The following HRH2 variants were observed in gnomAD, a reference collection of about 807,000 sequenced individuals.
HRH2 encodes the protein histamine receptor H2, also known as histamine H2 receptor.
A neutral mutation model predicts 20.1 loss-of-function variants in HRH2; 4 were observed. That is an observed-to-expected ratio of 0.20 (90% CI 0.10 to 0.45). The LOEUF (loss-of-function observed/expected upper bound fraction) is 0.45. Ranked by LOEUF, HRH2 falls within the 20% of genes least tolerant of loss-of-function variation. HRH2 has a pLI of 0.99. For synonymous variants in HRH2, 197 were observed against 200.7 expected (o/e 0.98, Z 0.16); for missense variants, 250 against 461.6 (o/e 0.54, Z 4.20).
intron 1 of HRH2, among the ~76,000 whole-genome samples, chr5:175,668,243 G>A (rs190057885): frequency 3.9e-5 from 6 of 152,304 alleles, no homozygotes; most frequent in African/African-American, 9.6e-5. Context: ...ACACATGTGC[G>A]CTATTTATGC....
intron 2 of HRH2, among the ~76,000 whole-genome samples, chr5:175,698,644 C>T (rs1259328197): frequency 6.6e-6 from 1 of 152,180 alleles, no homozygotes; most frequent in Non-Finnish European, 1.5e-5. Flanking sequence ...CTCGCAGCCT[C>T]CCGGTCAGGT....
intron 2 of HRH2, among the ~76,000 whole-genome samples, chr5:175,702,544 T>TC (rs1447544787): frequency 6.7e-5 from 9 of 134,790 alleles, no homozygotes; most frequent in African/African-American, 2.3e-4. Flanking sequence ...AAGTATACCA[T>TC]CTTTTTTTTT....
intron 2 of HRH2, among the ~76,000 whole-genome samples, chr5:175,702,556 T>G (rs925452210): frequency 5.1e-5 from 7 of 137,478 alleles, no homozygotes; most frequent in African/African-American, 1.9e-4. Flanking sequence ...TTTTTTTTTT[T>G]TTTTTTTTTT....
chr5:175,691,269 AG>A (rs1287996770), intron 2 of HRH2: 1 of 152,468 alleles, frequency 6.6e-6, no homozygotes, highest in Non-Finnish European at 1.5e-5. Context: ...AGAGGAAGTC[AG>A]GGGAAGGAGA....
At position 175,708,308 on chromosome 5, in the gene HRH2, G is replaced by A. The variant is rs1470334205; in HGVS notation, c.*337G>A. ...CATGTGTGTGCATGGGTGCATACGT[G>A]TAGGGACGTGCATGACCTCTGAGCA... On this transcript the variant is annotated 3_prime_UTR_variant, in exon 3 of 3. Transcript: ENST00000636584. 2 of 216,064 alleles carry A rather than the reference G, an allele frequency of 9.3e-6. No individual in the cohort carries two copies. Among genetic ancestry groups the A allele is most frequent in the Non-Finnish European group, 1.8e-5 (2 of 110,528 alleles). 13.4% of individuals were successfully genotyped at this position (216,064 alleles called of 1,614,324 possible).
At chr5:175,697,083 G>C (rs574137884) in intron 2 of HRH2, among the ~76,000 whole-genome samples, 123 of 152,250 alleles carry the variant, frequency 8.1e-4, no homozygotes, top group African/African-American at 2.9e-3. Context: ...ATGACTGCTG[G>C]TGGGGGTGAG....
intron 2 of HRH2, chr5:175,685,307 C>A: frequency 1.8e-6 from 2 of 1,115,862 alleles, no homozygotes; most frequent in African/African-American, 1.6e-5. Context: ...GCTTACTGGT[C>A]TGGGCTTTAG....
intron 1 of HRH2, among the ~76,000 whole-genome samples, chr5:175,673,710 T>G: frequency 1.4e-5 from 2 of 140,494 alleles, no homozygotes; most frequent in African/African-American, 5.2e-5. Flanking sequence ...TTTTTTTTTG[T>G]TTTTTTTTTT....
chr5:175,673,258 T>C (rs929039468), intron 1 of HRH2, among the ~76,000 whole-genome samples: 3 of 152,132 alleles, frequency 2.0e-5, no homozygotes, highest in African/African-American at 7.2e-5. Flanking sequence ...TGTGTATGCA[T>C]GTGCGCGTTT....
At position 175,686,947 on chromosome 5, in the gene HRH2, G is replaced by T. The variant is rs972360440; in HGVS notation, c.1076+2638G>T. ...TGCAGGGTATGAGTGTCCATCTCCTGCTCTGATCCTCGTGGGCACCCTGGG... is the reference window on the plus strand; with the variant it reads ...TGCAGGGTATGAGTGTCCATCTCCTTCTCTGATCCTCGTGGGCACCCTGGG... On this transcript the variant is annotated intron_variant, in intron 2 of 2. Transcript: ENST00000636584. This position sits in a 1 kb window ranked among gnomAD's most constrained non-coding sequence, Gnocchi z 4.7. 3.9e-5 allele frequency among the ~76,000 whole-genome samples: 6 copies of T among 152,210 alleles called. No individual in the cohort carries two copies. The highest frequency in any genetic ancestry group is 1.3e-4 in the Admixed American group (2 of 15,286).
intron 1 of HRH2, among the ~76,000 whole-genome samples, chr5:175,659,174 A>G (rs1242393560): frequency 6.6e-6 from 1 of 152,106 alleles, no homozygotes; most frequent in African/African-American, 2.4e-5. Context: ...TCCACTGCAC[A>G]CCTGTCCTGA....
chr5:175,660,367 A>T (rs148799915), intron 1 of HRH2, among the ~76,000 whole-genome samples: 101 of 152,352 alleles, frequency 6.6e-4, no homozygotes, highest in African/African-American at 2.4e-3. Flanking sequence ...CTAAATGTCC[A>T]ACAGTAGGGA....
At chr5:175,701,921 G>A (rs559872303) in intron 2 of HRH2, among the ~76,000 whole-genome samples, 2 of 152,320 alleles carry the variant, frequency 1.3e-5, no homozygotes, top group South Asian at 2.1e-4. Flanking sequence ...GGGCAAAGAC[G>A]GGCCGTGGGA....
rs772478284 is a variant in HRH2 at position 175,679,780 on chromosome 5, C to T, written c.-525-2929C>T. 4.6e-5 allele frequency among the ~76,000 whole-genome samples: 7 copies of T among 152,260 alleles called. No individual in the cohort carries two copies. The South Asian group carries it at 6.2e-4, about 14-fold the overall frequency. On this transcript the variant is annotated intron_variant, in intron 1 of 2. Transcript: ENST00000636584. ...GGTGTGCTGCATCTGGGGACATGCT[C>T]GGTTGCCTGAGTGTCTGTGAAATTA... is the stretch of plus-strand genomic sequence containing the variant.
At chr5:175,666,756 C>G (rs1208782485) in intron 1 of HRH2, among the ~76,000 whole-genome samples, 1 of 152,076 alleles carries the variant, frequency 6.6e-6, no homozygotes, top group Non-Finnish European at 1.5e-5. Flanking sequence ...TGAAGTAGCA[C>G]CTTTAACAAA....
Position 175,683,842 on chromosome 5 carries a change from C to T in HRH2, c.609C>T (p.Tyr203=), listed in dbSNP as rs566627958. The T allele has an allele frequency of 1.9e-5, 31 of 1,614,136 alleles. No individual in the cohort carries two copies. The South Asian group carries it at 3.2e-4, about 17-fold the overall frequency. ...TACTGATCATGTGCATCACCTACTA[C>T]CGCATCTTCAAGGTCGCCCGGGATC... ...LPLLIMCITY[Y]RIFKVARDQA... Residue 203 remains tyrosine (Y), a synonymous_variant, in exon 2 of 3, where the codon TAC becomes TAT. Transcript: ENST00000636584.
chr5:175,663,303 G>C (rs924648117), intron 1 of HRH2, among the ~76,000 whole-genome samples: 6 of 152,174 alleles, frequency 3.9e-5, no homozygotes, highest in Admixed American at 6.5e-5. Context: ...GTGCACGGAG[G>C]TCCCAGTCCT....
chr5:175,708,794 C>T lies in HRH2; in HGVS notation c.*823C>T, dbSNP rs982473429. The T allele has an allele frequency of 6.6e-6, 1 of 152,146 alleles. No homozygotes were observed. Among genetic ancestry groups the T allele is most frequent in the Admixed American group, 6.5e-5 (1 of 15,276 alleles). 9.4% of individuals were successfully genotyped at this position (152,146 alleles called of 1,614,324 possible). A position where few individuals can be genotyped will look rare whatever the true frequency, so the allele number is the denominator to read the frequency against. On this transcript the variant is annotated 3_prime_UTR_variant, in exon 3 of 3. Transcript: ENST00000636584. ...CTTAGACCCCCAGGCTCTGGGGGTC[C>T]CTTCCTGCTACAGTATGACCCTCTC...
At chr5:175,664,933 C>T (rs569679056) in intron 1 of HRH2, among the ~76,000 whole-genome samples, 1 of 152,224 alleles carries the variant, frequency 6.6e-6, no homozygotes, top group Non-Finnish European at 1.5e-5. Flanking sequence ...CCACCGCACA[C>T]GGCCCGCACA....
Sources: gnomAD v4.1 joint callset for allele counts (sites outside exome capture counted in the v4.1 genomes callset) on GRCh38, gnomAD v4.1.1 for gene constraint, Gnocchi (gnomAD v3.1) non-coding constraint, MANE v1.5 for transcripts, NCBI Gene and HGNC (gene_info 2026-07-23, HGNC 2026-07-21) for gene names.